The following NAV2 variants were observed in gnomAD, a reference collection of about 807,000 sequenced individuals.
The protein encoded by NAV2 is helicase, APC down-regulated 1.
A neutral mutation model predicts 223.2 loss-of-function variants in NAV2; 54 were observed. The observed-to-expected ratio is 0.24, with a 90% CI of 0.19 to 0.30. The LOEUF is 0.30. Ranked by LOEUF, NAV2 falls within the 10% of genes least tolerant of loss-of-function variation. NAV2 has a pLI of 1.00. For synonymous variants in NAV2, 1,279 were observed against 1,239.3 expected (o/e 1.03, Z -0.67); for missense variants, 2,806 against 3,147.5 (o/e 0.89, Z 2.60).
chr11:19,910,017 G>GGT (rs1194802308), intron 6 of NAV2, among the ~76,000 whole-genome samples: 2 of 152,068 alleles, frequency 1.3e-5, no homozygotes, highest in African/African-American at 2.4e-5. Context: ...CCCATCGTGG[G>GGT]GTGATTGAGT....
intron 1 of NAV2, among the ~76,000 whole-genome samples, chr11:19,386,061 G>A (rs1025804129): frequency 6.6e-6 from 1 of 152,100 alleles, no homozygotes; most frequent in African/African-American, 2.4e-5. Context: ...ACCACACCCA[G>A]CCCAATATAG....
chr11:19,880,643 A>C (rs2063143545), intron 5 of NAV2, among the ~76,000 whole-genome samples: 1 of 152,212 alleles, frequency 6.6e-6, no homozygotes. Flanking sequence ...GTTACCATTA[A>C]ATGTGACTGT....
At chr11:19,711,055 TA>T (rs1262525270), upstream of NAV2, 1 of 152,164 alleles carries the variant, frequency 6.6e-6, no homozygotes, top group Non-Finnish European at 1.5e-5. Context: ...GGCAAAGTGT[TA>T]AGTAAGTAGC....
At chr11:19,378,656 T>C (rs1848727008) in intron 1 of NAV2, among the ~76,000 whole-genome samples, 1 of 147,886 alleles carries the variant, frequency 6.8e-6, no homozygotes, top group Non-Finnish European at 1.5e-5. Flanking sequence ...AGATGCTCCC[T>C]GTCATGAAAC....
rs2056784858 is a variant in NAV2, at chr11:20,040,251, G to A, written c.2908-3730G>A. Among the ~76,000 whole-genome samples, 4 of 152,264 alleles carry A rather than the reference G, an allele frequency of 2.6e-5. 1 individual carries two copies. The South Asian group carries it at 8.3e-4, about 32-fold the overall frequency. ...AAAGGCCTGTGGCCCAGTGGCAGAA[G>A]AGACAAGTACCTGTTCTCCCATAAT... On this transcript the variant is annotated intron_variant, in intron 12 of 37. Transcript: ENST00000349880.
rs766616398 is a variant in NAV2, at chr11:19,892,556, T to A, written c.893T>A (p.Val298Asp). 1 of 1,614,026 alleles carries A rather than the reference T, an allele frequency of 6.2e-7. No individual in the cohort carries two copies. Among genetic ancestry groups the A allele is most frequent in the Non-Finnish European group, 8.5e-7 (1 of 1,179,972 alleles). Residue 298 changes from valine to aspartate, a missense_variant, in exon 6 of 38, where the codon GTC becomes GAC. By Grantham distance (152) the Val-to-Asp change is radical. Around this residue, in one of 4 missense-constraint regions of NAV2, gnomAD observed 1,167 missense variants for 1,180.5 expected, o/e 0.99. Transcript: ENST00000349880. Reference sequence around the variant, plus strand: ...AACAACTATGATAAATCCAAACCAGTCACCTCCCCACCCCCACCGCCAAGC... The same window carrying A: ...AACAACTATGATAAATCCAAACCAGACACCTCCCCACCCCCACCGCCAAGC... ...SFNNYDKSKP[V>D]TSPPPPPSSH... is the part of the protein sequence containing the mutation.
intron 8 of NAV2, among the ~76,000 whole-genome samples, chr11:19,945,153 C>CTCCCTTCCCTTCCCT (rs755938941): frequency 2.7e-3 from 256 of 94,742 alleles, no homozygotes; most frequent in Non-Finnish European, 3.5e-3. Flanking sequence ...TTCTTTCTGT[C>CTCCCTTCCCTTCCCT]TCCCTTCCCT....
rs975448688 is a variant in NAV2, at chr11:19,788,491, G to A, written c.268-43993G>A. On this transcript the variant is annotated intron_variant, in intron 1 of 37. Transcript: ENST00000349880. ...TCCAACAACTTCTCATTTCATAGACGAGGACACCTTCACCCTTCACTTAGA... is the reference window on the plus strand; with the variant it reads ...TCCAACAACTTCTCATTTCATAGACAAGGACACCTTCACCCTTCACTTAGA... 4.6e-5 allele frequency among the ~76,000 whole-genome samples: 7 copies of A among 152,098 alleles called. No homozygotes were observed. In the South Asian group the frequency reaches 8.3e-4, roughly 18 times the overall value.
At chr11:19,773,872 C>G (rs937745253) in intron 1 of NAV2, among the ~76,000 whole-genome samples, 23 of 152,146 alleles carry the variant, frequency 1.5e-4, no homozygotes, top group Admixed American at 1.5e-3. Context: ...CAGTCTCTAC[C>G]TTTTTAAAGC....
At chr11:19,695,087 C>G (rs1369350231) in intron 1 of NAV2, among the ~76,000 whole-genome samples, 1 of 152,246 alleles carries the variant, frequency 6.6e-6, no homozygotes, top group Non-Finnish European at 1.5e-5. Context: ...AAGGGACACA[C>G]TGGCATCAGA....
At chr11:19,816,210 G>T (rs944296730) in intron 1 of NAV2, among the ~76,000 whole-genome samples, 3 of 152,346 alleles carry the variant, frequency 2.0e-5, no homozygotes, top group Middle Eastern at 3.4e-3. Flanking sequence ...CCATGGAGTT[G>T]CCGAGAAAGG....
chr11:19,946,366 G>A (rs1299556637), intron 8 of NAV2, 35 bp from the exon 9 acceptor site: 6 of 1,577,432 alleles, frequency 3.8e-6, no homozygotes, highest in Non-Finnish European at 5.2e-6. Context: ...TGGTTGGTCA[G>A]AGAATTAAAC....
chr11:19,970,326 G>A (rs1002391045), intron 10 of NAV2, among the ~76,000 whole-genome samples: 1 of 152,114 alleles, frequency 6.6e-6, no homozygotes, highest in Non-Finnish European at 1.5e-5. Flanking sequence ...GCGCCACCAT[G>A]CCTGGCTAAT....
At chr11:19,355,021 C>G (rs1443599379) in intron 1 of NAV2, among the ~76,000 whole-genome samples, 1 of 152,170 alleles carries the variant, frequency 6.6e-6, no homozygotes, top group Non-Finnish European at 1.5e-5. Context: ...GCCGGGGAGA[C>G]AGGGGGCTTC....
intron 36 of NAV2, among the ~76,000 whole-genome samples, chr11:20,112,831 G>T (rs2062753626): frequency 6.6e-6 from 1 of 152,232 alleles, no homozygotes; most frequent in Non-Finnish European, 1.5e-5. Flanking sequence ...GGGCTAGGTG[G>T]CCCCAGCTCC....
At chr11:19,885,253 G>T (rs949162468) in intron 5 of NAV2, among the ~76,000 whole-genome samples, 3 of 152,176 alleles carry the variant, frequency 2.0e-5, no homozygotes, top group Non-Finnish European at 2.9e-5. Context: ...TGTGCCCAAG[G>T]CCACACACAT....
chr11:20,112,936 G>A (rs896191667), intron 36 of NAV2, among the ~76,000 whole-genome samples: 1 of 152,170 alleles, frequency 6.6e-6, no homozygotes, highest in Non-Finnish European at 1.5e-5. Flanking sequence ...GGCAGGATTC[G>A]CGGGAGGGCA....
At chr11:19,727,071 C>G (rs941576599) in intron 1 of NAV2, among the ~76,000 whole-genome samples, 1 of 152,186 alleles carries the variant, frequency 6.6e-6, no homozygotes, top group African/African-American at 2.4e-5. Context: ...TCTCATGTTG[C>G]TTAGGGTAAT....
chr11:19,545,689 G>A (rs552443499), intron 1 of NAV2, among the ~76,000 whole-genome samples: 61 of 152,276 alleles, frequency 4.0e-4, no homozygotes, highest in African/African-American at 1.4e-3. Flanking sequence ...TCCAACCCGC[G>A]GCCCAGGGTG....
Sources: gnomAD v4.1 joint callset for allele counts (sites outside exome capture counted in the v4.1 genomes callset) on GRCh38, gnomAD v4.1.1 for gene constraint, gnomAD v4.1.1 regional missense constraint, MANE v1.5 for transcripts, NCBI Gene and HGNC (gene_info 2026-07-23, HGNC 2026-07-21) for gene names.